Variants in MBOAT7 observed in about 807,000 individuals in gnomAD.
The protein encoded by MBOAT7 is membrane-bound acylglycerophosphatidylinositol O-acyltransferase MBOAT7.
In MBOAT7, 40 loss-of-function variants were observed where a neutral mutation model predicts 47.4. That is an observed-to-expected ratio of 0.84 (90% confidence interval 0.66 to 1.10). MBOAT7 has a LOEUF of 1.10. MBOAT7 is among the 50% of genes least tolerant of loss of function. MBOAT7 has a pLI of 0.00. For synonymous variants in MBOAT7, 361 were observed against 292.0 expected, an observed-to-expected ratio of 1.24 and a Z score of -2.41; for missense variants, 680 against 655.6, an observed-to-expected ratio of 1.04 and a Z score of -0.41.
intron 6 of MBOAT7, chr19:54,179,773 CCCA>C (rs980375650): frequency 6.6e-6 from 1 of 152,316 alleles, no homozygotes; most frequent in South Asian, 2.1e-4. Flanking sequence ...TGTCACTACC[CCCA>C]CAACAGAATG....
At chr19:54,182,877 T>A (rs2076327274) in intron 5 of MBOAT7, among the ~76,000 whole-genome samples, 1 of 152,062 alleles carries the variant, frequency 6.6e-6, no homozygotes, top group African/African-American at 2.4e-5. Flanking sequence ...ATTTTTGTAT[T>A]TTCAGTAGAG....
intron 4 of MBOAT7, among the ~76,000 whole-genome samples, chr19:54,185,002 G>T (rs2076392686): frequency 6.6e-6 from 1 of 151,516 alleles, no homozygotes; most frequent in Non-Finnish European, 1.5e-5. Flanking sequence ...TTGATGTCAG[G>T]GGTTTGAGAC....
intron 7 of MBOAT7, among the ~76,000 whole-genome samples, chr19:54,174,894 T>C (rs527606631): frequency 6.6e-6 from 1 of 151,496 alleles, no homozygotes; most frequent in African/African-American, 2.4e-5. Context: ...AAGACCCTCT[T>C]CTTCTTTAAA....
chr19:54,177,359 G>C (rs146631661), intron 7 of MBOAT7, among the ~76,000 whole-genome samples: 5,184 of 151,332 alleles, frequency 0.034, 273 homozygotes, highest in African/African-American at 0.11. Context: ...GCAGTGGCGC[G>C]ATCTCGGCTC....
At chr19:54,188,013 C>CAGAAAGAAAGAAAGAAAG (rs2076479481) in intron 3 of MBOAT7, among the ~76,000 whole-genome samples, 2 of 100,056 alleles carry the variant, frequency 2.0e-5, no homozygotes, top group African/African-American at 1.1e-4. Flanking sequence ...GAAACTCCAT[C>CAGAAAGAAAGAAAGAAAG]TCAGAAAGAA....
chr19:54,182,348 A>G (rs1011262575), intron 5 of MBOAT7, among the ~76,000 whole-genome samples: 5 of 152,178 alleles, frequency 3.3e-5, no homozygotes, highest in African/African-American at 9.7e-5. Flanking sequence ...TAGAAAGTCA[A>G]TTACTGGTTA....
chr19:54,175,257 T>C (rs573931669), intron 7 of MBOAT7, among the ~76,000 whole-genome samples: 21 of 152,186 alleles, frequency 1.4e-4, no homozygotes, highest in South Asian at 4.1e-4. Flanking sequence ...GGATCACAGG[T>C]GTCAGACACC....
At position 54,179,221 on chromosome 19, in the gene MBOAT7, G is replaced by A. The variant is rs1056331673; in HGVS notation, c.855-280C>T. On this transcript the variant is annotated intron_variant, in intron 6 of 7. Coordinates refer to ENST00000245615, the MANE Select transcript of MBOAT7 (RefSeq NM_024298.5). ...CCACAGCCATGAAAAGCCTTGAAGGGCTATGGTTGCTAAGCTATGAGTCCT... is the reference window on the plus strand; with the variant it reads ...CCACAGCCATGAAAAGCCTTGAAGGACTATGGTTGCTAAGCTATGAGTCCT... The A allele has an allele frequency of 1.5e-5, 8 of 544,274 alleles. No homozygotes were observed. The Admixed American group carries it at 2.0e-4, about 14-fold the overall frequency. 33.7% of individuals were successfully genotyped at this position (544,274 alleles called of 1,614,324 possible). A position where few individuals can be genotyped will look rare whatever the true frequency, so the allele number is the denominator to read the frequency against.
chr19:54,175,776 G>T (rs1250880256), intron 7 of MBOAT7, among the ~76,000 whole-genome samples: 1 of 152,126 alleles, frequency 6.6e-6, no homozygotes, highest in African/African-American at 2.4e-5. Context: ...CCATGCTGGA[G>T]TGCAGTGGTG....
rs761565984 is a variant in MBOAT7, at chr19:54,177,900, G to GTTTTTTTTTTTTTT, written c.1031+851_1031+864dup. 1.1e-4 allele frequency among the ~76,000 whole-genome samples: 8 copies of GTTTTTTTTTTTTTT among 75,996 alleles called. 2 individuals carry two copies. Among genetic ancestry groups the GTTTTTTTTTTTTTT allele is most frequent in the Non-Finnish European group, 1.5e-4 (6 of 41,166 alleles). 49.9% of individuals were successfully genotyped at this position (75,996 alleles called of 152,430 possible). On this transcript the variant is annotated intron_variant, in intron 7 of 7. Coordinates refer to ENST00000245615, the MANE Select transcript of MBOAT7 (RefSeq NM_024298.5). ...ATGCCTGGCTATGAGTTCTACTTCT[G>GTTTTTTTTTTTTTT]TTTTTTTTTTTTTTTTTTTTTTTTT...
rs1190883819 is a variant in MBOAT7, at chr19:54,180,516, C to G, written c.854+257G>C. On this transcript the variant is annotated intron_variant, in intron 6 of 7. Coordinates refer to ENST00000245615, the MANE Select transcript of MBOAT7 (RefSeq NM_024298.5). This position sits in a 1 kb window ranked among gnomAD's most constrained non-coding sequence, Gnocchi z 5.2. The stretch of plus-strand genomic sequence containing the variant: ...TGGCACAGGGTTGCTAAGTTACCAC[C>G]TTTTCCTAGCGACAGGGGGCAGTTC... 4 of 463,164 alleles carry G rather than the reference C, an allele frequency of 8.6e-6. No homozygotes were observed. The highest frequency in any genetic ancestry group is 1.5e-5 in the Non-Finnish European group (4 of 263,216). The allele number at this position is 463,164 out of a possible 1,614,324, so 28.7% of individuals were successfully genotyped here.
chr19:54,173,965 G>A lies in MBOAT7; in HGVS notation c.*79C>T. On this transcript the variant is annotated 3_prime_UTR_variant, in exon 8 of 8. Transcript: ENST00000245615. ...CTCTCCAGGACCCTCTCCAAGGTAA[G>A]GACTCTTTCTGGGGAGGAGACAGCA... 6.8e-7 allele frequency: 1 copy of A among 1,461,826 alleles called. No homozygotes were observed. Among genetic ancestry groups the A allele is most frequent in the Non-Finnish European group, 9.1e-7 (1 of 1,098,786 alleles). 90.6% of individuals were successfully genotyped at this position (1,461,826 alleles called of 1,614,324 possible).
Position 54,174,182 on chromosome 19 carries a change from G to C in MBOAT7, c.1281C>G (p.Ala427=), listed in dbSNP as rs147036683. The change falls in exon 8 of 8, where the codon GCC becomes GCG. Residue 427 remains alanine, a synonymous_variant. Transcript: ENST00000245615. ...LSLADTLRYW[A]SIYFCIHFLA... ...GGAAGTGGATACAGAAGTAGATGGA[G>C]GCCCAGTACCGAAGGGTGTCGGCCA... The C allele has an allele frequency of 7.2e-5, 115 of 1,600,108 alleles. No individual in the cohort carries two copies. The African/African-American group carries it at 1.4e-3, about 20-fold the overall frequency.
rs376077728 is a variant in MBOAT7, at chr19:54,188,555, G to A, written c.-3-44C>T. 5 of 1,531,872 alleles carry A rather than the reference G, an allele frequency of 3.3e-6. No individual in the cohort carries two copies. The African/African-American group carries it at 5.5e-5, about 17-fold the overall frequency. 94.9% of individuals were successfully genotyped at this position (1,531,872 alleles called of 1,614,324 possible). A position where few individuals can be genotyped will look rare whatever the true frequency, so the allele number is the denominator to read the frequency against. ...TTCACAGTGAGAACCCAGGAATCCA[G>A]GCCCCCTGCCTCCTCCCTCTTCGAG... On this transcript the variant is annotated intron_variant, in intron 1 of 7. Transcript: ENST00000245615.
Position 54,173,940 on chromosome 19 carries a change from C to A in MBOAT7, c.*104G>T. Reference sequence around the variant, plus strand: ...GTATTTAGCTGGGGAAGAGGAAATTCTCTCCAGGACCCTCTCCAAGGTAAG... The same window carrying A: ...GTATTTAGCTGGGGAAGAGGAAATTATCTCCAGGACCCTCTCCAAGGTAAG... On this transcript the variant is annotated 3_prime_UTR_variant, in exon 8 of 8. Coordinates refer to ENST00000245615, the MANE Select transcript of MBOAT7 (RefSeq NM_024298.5). 1 of 1,358,080 alleles carries A rather than the reference C, an allele frequency of 7.4e-7. No homozygotes were observed. The allele number at this position is 1,358,080 out of a possible 1,614,324, so 84.1% of individuals were successfully genotyped here.
chr19:54,183,751 C>T lies in MBOAT7; in HGVS notation c.334-71G>A, dbSNP rs573293026. On this transcript the variant is annotated intron_variant, in intron 4 of 7. Transcript: ENST00000245615. Reference sequence around the variant, plus strand: ...CTTCCCCACACCCATCTCCCTTGCGCGGCTGCCCTCGGCAGCCAAGGGGTG... The same window carrying T: ...CTTCCCCACACCCATCTCCCTTGCGTGGCTGCCCTCGGCAGCCAAGGGGTG... 3.3e-3 allele frequency: 4,631 copies of T among 1,414,392 alleles called. 9 individuals carry two copies. The highest frequency in any genetic ancestry group is 3.9e-3 in the Non-Finnish European group (4,196 of 1,078,918). The allele number at this position is 1,414,392 out of a possible 1,614,324, so 87.6% of individuals were successfully genotyped here.
At chr19:54,181,613 G>A (rs1266558937) in intron 5 of MBOAT7, among the ~76,000 whole-genome samples, 1 of 112,662 alleles carries the variant, frequency 8.9e-6, no homozygotes, top group Non-Finnish European at 1.9e-5. Flanking sequence ...CTGCATTCCA[G>A]CCAGGGAGGG....
At position 54,177,900 on chromosome 19, in the gene MBOAT7, G is replaced by GTTTTTTTTTTTTTTTTTTT. The variant is rs761565984; in HGVS notation, c.1031+846_1031+864dup. Among the ~76,000 whole-genome samples, 5 of 75,974 alleles carry GTTTTTTTTTTTTTTTTTTT rather than the reference G, an allele frequency of 6.6e-5. 1 individual carries two copies. The highest frequency in any genetic ancestry group is 9.8e-4 in the South Asian group (2 of 2,050). 49.8% of individuals were successfully genotyped at this position (75,974 alleles called of 152,430 possible). On this transcript the variant is annotated intron_variant, in intron 7 of 7. Transcript: ENST00000245615. ...ATGCCTGGCTATGAGTTCTACTTCT[G>GTTTTTTTTTTTTTTTTTTT]TTTTTTTTTTTTTTTTTTTTTTTTT... is the stretch of plus-strand genomic sequence containing the variant.
At position 54,188,422 on chromosome 19, in the gene MBOAT7, G is replaced by C. The variant is rs1237727461; in HGVS notation, c.76+11C>G. The C allele has an allele frequency of 2.6e-6, 4 of 1,568,512 alleles. No individual in the cohort carries two copies. The highest frequency in any genetic ancestry group is 2.6e-6 in the Non-Finnish European group (3 of 1,155,806). On this transcript the variant is annotated intron_variant, in intron 2 of 7. Coordinates refer to ENST00000245615, the MANE Select transcript of MBOAT7 (RefSeq NM_024298.5). Reference sequence around the variant, plus strand: ...CCCTTTATTTTCCACTGGGGAGGGAGCCTGACTCACCGGCTTTCTTAAAGA... The same window carrying C: ...CCCTTTATTTTCCACTGGGGAGGGACCCTGACTCACCGGCTTTCTTAAAGA...
Sources: allele counts gnomAD v4.1 joint callset (sites outside exome capture counted in the v4.1 genomes callset), GRCh38; gene constraint gnomAD v4.1.1; non-coding constraint Gnocchi (gnomAD v3.1); transcripts MANE v1.5; gene names NCBI Gene and HGNC (gene_info 2026-07-23, HGNC 2026-07-21).